The following GABRG3 variants were observed in gnomAD, a reference collection of about 807,000 sequenced individuals.
GABRG3 encodes the protein gamma-aminobutyric acid type A receptor subunit gamma3.
GABRG3 carries 25 observed loss-of-function variants against 48.8 expected under a neutral mutation model. The observed-to-expected ratio is 0.51, with a 90% CI of 0.37 to 0.72. The LOEUF is 0.72. GABRG3 is among the 30% of genes least tolerant of loss of function. GABRG3 has a pLI of 0.00. For missense variants in GABRG3, 394 were observed against 577.9 expected (o/e 0.68, Z 3.26); for synonymous variants, 227 against 217.6 (o/e 1.04, Z -0.38).
intron 2 of GABRG3, among the ~76,000 whole-genome samples, chr15:27,003,356 A>G (rs971308836): frequency 3.0e-4 from 46 of 151,884 alleles, no homozygotes; most frequent in Middle Eastern, 3.4e-3. Context: ...TTTCCTAGGC[A>G]GAGGTCCCTG....
At chr15:27,380,307 A>T (rs1196964475) in intron 5 of GABRG3, among the ~76,000 whole-genome samples, 4 of 151,830 alleles carry the variant, frequency 2.6e-5, no homozygotes, top group African/African-American at 9.7e-5. Context: ...TTTCCATTAG[A>T]TCCTTTAGCA....
intron 3 of GABRG3, among the ~76,000 whole-genome samples, chr15:27,182,050 G>A (rs551038136): frequency 3.4e-4 from 52 of 151,812 alleles, no homozygotes; most frequent in African/African-American, 1.1e-3. Flanking sequence ...ACCCCATTGA[G>A]TGTTAGTAGT....
At chr15:27,213,185 A>T (rs529773930) in intron 3 of GABRG3, among the ~76,000 whole-genome samples, 1 of 152,288 alleles carries the variant, frequency 6.6e-6, no homozygotes, top group East Asian at 1.9e-4. Context: ...GACAAAAAGG[A>T]GGAGAAGTAC....
rs569729042 is a variant in GABRG3, at chr15:27,452,978, C to G, written c.575-27672C>G. Among the ~76,000 whole-genome samples, 6 of 152,300 alleles carry G rather than the reference C, an allele frequency of 3.9e-5. No individual in the cohort carries two copies. The South Asian group carries it at 8.3e-4, about 21-fold the overall frequency. The stretch of plus-strand genomic sequence containing the variant: ...TTCAGTCTTAAAAAGGAAGGAAATC[C>G]TGTCATTTGCAACAACATGGGATGA... On this transcript the variant is annotated intron_variant, in intron 5 of 9. Coordinates refer to ENST00000615808, the MANE Select transcript of GABRG3 (RefSeq NM_033223.5).
At chr15:27,059,915 G>A (rs1428857451) in intron 3 of GABRG3, among the ~76,000 whole-genome samples, 1 of 152,166 alleles carries the variant, frequency 6.6e-6, no homozygotes, top group Admixed American at 6.5e-5. Flanking sequence ...TGCTACCTCT[G>A]TGCAGTCAAA....
chr15:27,019,976 C>G (rs939152637), intron 2 of GABRG3, among the ~76,000 whole-genome samples: 1 of 152,146 alleles, frequency 6.6e-6, no homozygotes, highest in Non-Finnish European at 1.5e-5. Context: ...TTTTGGCATT[C>G]TATTCTGCGT....
At chr15:27,455,312 G>A (rs995010625) in intron 5 of GABRG3, among the ~76,000 whole-genome samples, 6 of 152,206 alleles carry the variant, frequency 3.9e-5, no homozygotes, top group Non-Finnish European at 5.9e-5. Flanking sequence ...TAGTGTGTAT[G>A]TGTGCTGTGC....
intron 6 of GABRG3, among the ~76,000 whole-genome samples, chr15:27,500,952 G>GTT (rs61305255): frequency 0.42 from 51,232 of 121,860 alleles, 11,764 homozygotes; most frequent in Non-Finnish European, 0.49. Flanking sequence ...AGTAACGTAT[G>GTT]TTTTTTTTTT....
At chr15:27,150,950 A>G (rs2140396384) in intron 3 of GABRG3, among the ~76,000 whole-genome samples, 1 of 152,350 alleles carries the variant, frequency 6.6e-6, no homozygotes, top group Admixed American at 6.5e-5. Flanking sequence ...TGATGAAGAA[A>G]TCCTGCACAA....
At position 27,241,878 on chromosome 15, in the gene GABRG3, A is replaced by G. The variant is rs13379560; in HGVS notation, c.271-84931A>G. Among the ~76,000 whole-genome samples the G allele has an allele frequency of 4.8e-3, 724 of 152,322 alleles. 12 individuals are homozygous for G. The highest frequency in any genetic ancestry group is 0.017 in the African/African-American group (709 of 41,570). ...CACTTTTGACAAGAGTTAAAACTAG[A>G]TTCAATATTACTGTATGTGAATTCT... On this transcript the variant is annotated intron_variant, in intron 3 of 9. Coordinates refer to ENST00000615808, the MANE Select transcript of GABRG3 (RefSeq NM_033223.5).
At chr15:27,436,167 A>C (rs900801254) in intron 5 of GABRG3, among the ~76,000 whole-genome samples, 8 of 152,218 alleles carry the variant, frequency 5.3e-5, no homozygotes, top group Non-Finnish European at 7.3e-5. Flanking sequence ...GGGAAGTTCA[A>C]GATCAAGGCA....
At chr15:26,996,803 C>G (rs1038425340) in intron 2 of GABRG3, among the ~76,000 whole-genome samples, 1 of 152,004 alleles carries the variant, frequency 6.6e-6, no homozygotes, top group African/African-American at 2.4e-5. Flanking sequence ...GCCCCTGCCA[C>G]CACGCCCAGC....
intron 6 of GABRG3, among the ~76,000 whole-genome samples, chr15:27,490,859 G>A (rs373040681): frequency 3.9e-4 from 60 of 152,246 alleles, no homozygotes; most frequent in African/African-American, 1.3e-3. Flanking sequence ...AAATTGTGTG[G>A]CCCCACGTGT....
chr15:26,976,906 T>C lies in GABRG3; in HGVS notation c.54-96T>C, dbSNP rs1894959887. 7.8e-7 allele frequency: 1 copy of C among 1,284,312 alleles called. No individual in the cohort carries two copies. The highest frequency in any genetic ancestry group is 1.1e-6 in the Non-Finnish European group (1 of 906,144). The allele number at this position is 1,284,312 out of a possible 1,614,324, so 79.6% of individuals were successfully genotyped here. Reference sequence around the variant, plus strand: ...GTTGGGCTGTGGGTACTGGGGACTTTCTACCCATTTCATGGTACTTGGATA... The same window carrying C: ...GTTGGGCTGTGGGTACTGGGGACTTCCTACCCATTTCATGGTACTTGGATA... On this transcript the variant is annotated intron_variant, in intron 1 of 9. Coordinates refer to ENST00000615808, the MANE Select transcript of GABRG3 (RefSeq NM_033223.5). This position sits in a 1 kb window ranked among gnomAD's most constrained non-coding sequence, Gnocchi z 7.8.
chr15:26,998,171 T>G (rs1467154232), intron 2 of GABRG3, among the ~76,000 whole-genome samples: 4 of 152,238 alleles, frequency 2.6e-5, no homozygotes, highest in Admixed American at 2.6e-4. Context: ...TGGTTCTGTC[T>G]GTTAAATTTC....
chr15:27,388,662 G>C (rs1896124898), intron 5 of GABRG3, among the ~76,000 whole-genome samples: 1 of 152,124 alleles, frequency 6.6e-6, no homozygotes, highest in African/African-American at 2.4e-5. Flanking sequence ...ACCCCACAAT[G>C]CATTAAAACA....
intron 5 of GABRG3, among the ~76,000 whole-genome samples, chr15:27,379,672 T>C (rs1392521096): frequency 6.6e-6 from 1 of 152,174 alleles, no homozygotes; most frequent in Non-Finnish European, 1.5e-5. Context: ...TTTTGAAGGG[T>C]AGTTTTCCTG....
At chr15:27,396,709 T>A (rs1207181264) in intron 5 of GABRG3, among the ~76,000 whole-genome samples, 2 of 152,220 alleles carry the variant, frequency 1.3e-5, no homozygotes, top group Non-Finnish European at 2.9e-5. Flanking sequence ...TTATTCATAA[T>A]TGCCAAAATT....
chr15:27,192,347 C>G (rs1888342313), intron 3 of GABRG3, among the ~76,000 whole-genome samples: 1 of 152,218 alleles, frequency 6.6e-6, no homozygotes, highest in African/African-American at 2.4e-5. Flanking sequence ...TTCTCCCTGT[C>G]ACTTTCAGGT....
Sources: gnomAD v4.1 joint callset for allele counts (sites outside exome capture counted in the v4.1 genomes callset) on GRCh38, gnomAD v4.1.1 for gene constraint, Gnocchi (gnomAD v3.1) non-coding constraint, MANE v1.5 for transcripts, NCBI Gene and HGNC (gene_info 2026-07-23, HGNC 2026-07-21) for gene names.